The following BIRC6 variants were observed in gnomAD, a reference collection of about 807,000 sequenced individuals.
BIRC6 encodes the protein dual E2 ubiquitin-conjugating enzyme/E3 ubiquitin-protein ligase BIRC6.
A neutral mutation model predicts 503.3 loss-of-function variants in BIRC6; 98 were observed. The ratio of observed to expected loss-of-function variants is 0.19; its 90% confidence interval spans 0.17 to 0.23. The LOEUF is 0.23. BIRC6 is among the 10% of genes least tolerant of loss of function. BIRC6 has a pLI of 1.00. For missense variants in BIRC6, 5,360 were observed against 5,806.0 expected, an observed-to-expected ratio of 0.92 and a Z score of 2.50; for synonymous variants, 2,240 against 2,078.7, an observed-to-expected ratio of 1.08 and a Z score of -2.11.
chr2:32,411,490 T>G (rs1390418099), intron 9 of BIRC6, among the ~76,000 whole-genome samples: 2 of 151,544 alleles, frequency 1.3e-5, no homozygotes, highest in Admixed American at 6.6e-5. Flanking sequence ...AGTGGTTTTT[T>G]CTTTTGAGAC....
intron 54 of BIRC6, among the ~76,000 whole-genome samples, chr2:32,513,784 C>G (rs182284712): frequency 6.6e-6 from 1 of 152,156 alleles, no homozygotes; most frequent in African/African-American, 2.4e-5. Flanking sequence ...TGGCGCGTGT[C>G]TGTAATCCCA....
At chr2:32,402,664 T>G (rs961310624) in intron 8 of BIRC6, among the ~76,000 whole-genome samples, 1 of 152,186 alleles carries the variant, frequency 6.6e-6, no homozygotes, top group Non-Finnish European at 1.5e-5. Context: ...TGTGAAAGCT[T>G]AATGGGAAAG....
At chr2:32,434,428 A>G (rs764505730) in intron 13 of BIRC6, among the ~76,000 whole-genome samples, 9 of 152,202 alleles carry the variant, frequency 5.9e-5, no homozygotes, top group Non-Finnish European at 1.0e-4. Context: ...TACGCCTGGC[A>G]CTCTCTATCT....
At chr2:32,502,952 T>G in intron 48 of BIRC6, 61 bp downstream of exon 48, 1 of 1,531,966 alleles carries the variant, frequency 6.5e-7, no homozygotes, top group Non-Finnish European at 8.9e-7. Context: ...TGTTACATTT[T>G]CATTTTTGTA....
intron 1 of BIRC6, among the ~76,000 whole-genome samples, chr2:32,371,874 C>T (rs1422582038): frequency 6.6e-6 from 1 of 152,094 alleles, no homozygotes; most frequent in Non-Finnish European, 1.5e-5. Context: ...GGCGCGATCT[C>T]GGCTCACTGC....
intron 71 of BIRC6, among the ~76,000 whole-genome samples, chr2:32,604,129 T>C (rs1160135720): frequency 1.3e-5 from 2 of 152,192 alleles, no homozygotes; most frequent in Non-Finnish European, 2.9e-5. Context: ...TATAAAGTTA[T>C]GTAATTCTCT....
At chr2:32,449,011 TG>T in intron 22 of BIRC6, 83 bp downstream of exon 22, 1 of 1,341,384 alleles carries the variant, frequency 7.5e-7, no homozygotes, top group African/African-American at 1.5e-5. Flanking sequence ...ATTATAGTCA[TG>T]ATGTTTTGTC....
In BIRC6 at chr2:32,549,747, C is replaced by A. The variant is rs2058307357; in HGVS notation, c.13144+266C>A. Among the ~76,000 whole-genome samples the A allele has an allele frequency of 2.0e-5, 3 of 152,114 alleles. No individual in the cohort carries two copies. In the South Asian group the frequency reaches 6.2e-4, roughly 32 times the overall value. On this transcript the variant is annotated intron_variant, in intron 65 of 73. Transcript: ENST00000421745. The stretch of plus-strand genomic sequence containing the variant: ...TTTTTTTCCTTTTAATCATCTGTAA[C>A]TGAAAATGATAGGACAAAGGCTAAC...
chr2:32,594,869 G>C (rs1016224031), intron 67 of BIRC6, among the ~76,000 whole-genome samples, 165 bp from the exon 68 acceptor site: 3 of 152,148 alleles, frequency 2.0e-5, no homozygotes, highest in African/African-American at 4.8e-5. Context: ...TTATGAAATA[G>C]AAATTTTTTA....
chr2:32,540,313 C>A (rs991689195), intron 61 of BIRC6, among the ~76,000 whole-genome samples: 2 of 152,066 alleles, frequency 1.3e-5, no homozygotes, highest in Non-Finnish European at 2.9e-5. Flanking sequence ...TAATGAGTAT[C>A]AGAATTAAAG....
At chr2:32,537,515 G>T (rs2150151575) in intron 61 of BIRC6, among the ~76,000 whole-genome samples, 1 of 152,206 alleles carries the variant, frequency 6.6e-6, no homozygotes, top group African/African-American at 2.4e-5. Context: ...AAAAAAATCT[G>T]TCATCCTAGA....
intron 28 of BIRC6, 115 bp from the exon 29 acceptor site, chr2:32,468,322 A>G (rs2048775077): frequency 2.9e-6 from 3 of 1,035,816 alleles, no homozygotes; most frequent in Non-Finnish European, 4.1e-6. Context: ...CAAGTGGGTA[A>G]TTCTTTTTAA....
In BIRC6 at chr2:32,438,533, T is replaced by C. The variant is rs1003838239; in HGVS notation, c.3632-975T>C. On this transcript the variant is annotated intron_variant, in intron 15 of 73. Coordinates refer to ENST00000421745, the MANE Select transcript of BIRC6 (RefSeq NM_016252.4). ...TCCCAATTTGGTTAATATCACATACTAGTGATAATAATTATTTGAGTGTTC... is the reference window on the plus strand; with the variant it reads ...TCCCAATTTGGTTAATATCACATACCAGTGATAATAATTATTTGAGTGTTC... Among the ~76,000 whole-genome samples the C allele has an allele frequency of 8.6e-5, 13 of 151,970 alleles. 1 individual carries two copies. The highest frequency in any genetic ancestry group is 3.1e-4 in the African/African-American group (13 of 41,468).
intron 61 of BIRC6, among the ~76,000 whole-genome samples, chr2:32,531,943 T>G (rs1265153546): frequency 6.6e-6 from 1 of 152,230 alleles, no homozygotes; most frequent in Admixed American, 6.5e-5. Context: ...TATTCCTGTT[T>G]CAGGTGCCAT....
chr2:32,519,317 T>C, intron 57 of BIRC6: 1 of 204,352 alleles, frequency 4.9e-6, no homozygotes, highest in Non-Finnish European at 1.0e-5. Flanking sequence ...AAGGTGGTGA[T>C]CAGTGATCAA....
At chr2:32,368,546 C>G (rs2035300245) in intron 1 of BIRC6, among the ~76,000 whole-genome samples, 1 of 151,698 alleles carries the variant, frequency 6.6e-6, no homozygotes, top group Non-Finnish European at 1.5e-5. Context: ...TCCCCCACAC[C>G]AAATAAATAA....
At position 32,477,565 on chromosome 2, in the gene BIRC6, C is replaced by G. The variant is rs1354896436; in HGVS notation, c.7050C>G (p.Leu2350=). ...LSMDFTCHAD[L]LLFVCKVLAR... ...TGGACTTTACATGTCATGCAGATCT[C>G]TTATTGTTTGTTTGTAAGGTATGTA... Residue 2350 remains leucine (L), a synonymous_variant, in exon 35 of 74, where the codon CTC becomes CTG. Coordinates refer to ENST00000421745, the MANE Select transcript of BIRC6 (RefSeq NM_016252.4). 2 of 1,613,474 alleles carry G rather than the reference C, an allele frequency of 1.2e-6. No homozygotes were observed. Among genetic ancestry groups the G allele is most frequent in the Admixed American group, 3.3e-5 (2 of 59,962 alleles).
At position 32,470,426 on chromosome 2, in the gene BIRC6, G is replaced by A. The variant is rs2048987739; in HGVS notation, c.6481+125G>A. 1.6e-5 allele frequency: 16 copies of A among 997,712 alleles called. No homozygotes were observed. In the South Asian group the frequency reaches 2.6e-4, roughly 16 times the overall value. The allele number at this position is 997,712 out of a possible 1,614,324, so 61.8% of individuals were successfully genotyped here. A position where few individuals can be genotyped will look rare whatever the true frequency, so the allele number is the denominator to read the frequency against. ...CACATTTAATATTTTTATGATGTAA[G>A]CTTTTAAGAATGAGCAACCCTCATG... On this transcript the variant is annotated intron_variant, in intron 31 of 73. Transcript: ENST00000421745.
At chr2:32,365,698 A>G (rs2034821664) in intron 1 of BIRC6, among the ~76,000 whole-genome samples, 1 of 152,108 alleles carries the variant, frequency 6.6e-6, no homozygotes, top group Admixed American at 6.6e-5. Context: ...AACAAGGTTA[A>G]TTTGAACTAC....
Sources: gnomAD v4.1 joint callset for allele counts (sites outside exome capture counted in the v4.1 genomes callset) on GRCh38, gnomAD v4.1.1 for gene constraint, MANE v1.5 for transcripts, NCBI Gene and HGNC (gene_info 2026-07-23, HGNC 2026-07-21) for gene names.